The following KANSL1 variants were observed in gnomAD, a reference collection of about 807,000 sequenced individuals.
KANSL1 encodes the protein KAT8 regulatory NSL complex subunit 1.
Under a neutral mutation model 103.6 loss-of-function variants are expected in KANSL1, and 22 were observed. That is an observed-to-expected ratio of 0.21 (90% CI 0.15 to 0.30). The LOEUF (loss-of-function observed/expected upper bound fraction) is 0.30, where lower values mean the gene tolerates loss of function less well. Among genes scored for constraint, KANSL1 ranks in the 10% least tolerant of loss-of-function variants. The pLI, the probability that KANSL1 is intolerant of heterozygous loss-of-function variation, is 1.00. For synonymous variants in KANSL1, 600 were observed against 527.6 expected, an observed-to-expected ratio of 1.14 and a Z score of -1.88; for missense variants, 1,337 against 1,399.8, an observed-to-expected ratio of 0.96 and a Z score of 0.72.
intron 2 of KANSL1, among the ~76,000 whole-genome samples, chr17:46,138,075 A>C (rs557826141): frequency 3.9e-5 from 6 of 152,288 alleles, no homozygotes; most frequent in Admixed American, 6.5e-5. Context: ...AATAGAAGCC[A>C]CATTTCCTGA....
chr17:46,119,414 C>A (rs960209064), intron 2 of KANSL1, among the ~76,000 whole-genome samples: 1 of 151,708 alleles, frequency 6.6e-6, no homozygotes, highest in Non-Finnish European at 1.5e-5. Flanking sequence ...TTCAACTGAT[C>A]TCGTACCTCA....
chr17:46,200,948 A>G (rs2147979810), intron 1 of KANSL1, among the ~76,000 whole-genome samples: 1 of 151,566 alleles, frequency 6.6e-6, no homozygotes, highest in South Asian at 2.1e-4. Context: ...TCTGCTGCCC[A>G]GGCTGCCAGG....
chr17:46,081,108 G>A (rs2078974216), intron 4 of KANSL1, among the ~76,000 whole-genome samples: 2 of 152,188 alleles, frequency 1.3e-5, no homozygotes, highest in South Asian at 4.1e-4. Context: ...TTAAGACAAT[G>A]AGGATTAGTA....
intron 1 of KANSL1, among the ~76,000 whole-genome samples, chr17:46,175,489 TC>T (rs1420033490): frequency 6.6e-6 from 1 of 152,070 alleles, no homozygotes; most frequent in African/African-American, 2.4e-5. Context: ...AGCTGGGACT[TC>T]AGGCATGTGT....
chr17:46,188,868 TA>T (rs2047160324), intron 1 of KANSL1, among the ~76,000 whole-genome samples: 1 of 151,046 alleles, frequency 6.6e-6, no homozygotes, highest in Admixed American at 6.6e-5. Context: ...CCATCTATAC[TA>T]AAAATAGAAA....
chr17:46,154,027 GA>G (rs2045278019), intron 2 of KANSL1, among the ~76,000 whole-genome samples: 3 of 152,206 alleles, frequency 2.0e-5, no homozygotes, highest in African/African-American at 7.2e-5. Flanking sequence ...GCAGCATTTT[GA>G]AATCGACCTC....
intron 4 of KANSL1, among the ~76,000 whole-genome samples, chr17:46,068,010 G>C (rs551854770): frequency 2.0e-4 from 31 of 152,120 alleles, no homozygotes; most frequent in Admixed American, 1.9e-3. Context: ...TTTTGCTTTG[G>C]GGGGAAGAGG....
intron 2 of KANSL1, among the ~76,000 whole-genome samples, chr17:46,152,742 T>G (rs553597909): frequency 2.0e-5 from 3 of 152,246 alleles, no homozygotes; most frequent in Non-Finnish European, 4.4e-5. Flanking sequence ...GAGGGTTTCA[T>G]AAGTTACTGG....
intron 2 of KANSL1, among the ~76,000 whole-genome samples, chr17:46,106,632 A>C (rs894403142): frequency 6.6e-6 from 1 of 152,132 alleles, no homozygotes; most frequent in Non-Finnish European, 1.5e-5. Flanking sequence ...ACCTCAGGTG[A>C]TCTACCCACC....
chr17:46,070,983 T>TTGA (rs1187241368), intron 4 of KANSL1, among the ~76,000 whole-genome samples: 4 of 152,166 alleles, frequency 2.6e-5, no homozygotes, highest in African/African-American at 9.7e-5. Context: ...TTATACAAAG[T>TTGA]CTAAAGAAGA....
At chr17:46,137,304 T>C (rs2044195986) in intron 2 of KANSL1, among the ~76,000 whole-genome samples, 1 of 152,262 alleles carries the variant, frequency 6.6e-6, no homozygotes, top group Admixed American at 6.5e-5. Context: ...TATTTCCAGA[T>C]ATTCCAACTT....
At chr17:46,161,586 A>G (rs2045746870) in intron 2 of KANSL1, among the ~76,000 whole-genome samples, 1 of 152,244 alleles carries the variant, frequency 6.6e-6, no homozygotes, top group East Asian at 1.9e-4. Context: ...AGTACCTGAG[A>G]AACAAACCGG....
chr17:46,167,183 T>C (rs967304904), intron 2 of KANSL1, among the ~76,000 whole-genome samples: 1 of 151,584 alleles, frequency 6.6e-6, no homozygotes, highest in Non-Finnish European at 1.5e-5. Context: ...GTAGTTACTA[T>C]ATAGAAGTTT....
At chr17:46,125,961 T>C (rs1343859213) in intron 2 of KANSL1, among the ~76,000 whole-genome samples, 2 of 152,194 alleles carry the variant, frequency 1.3e-5, no homozygotes, top group African/African-American at 2.4e-5. Context: ...AAAGCAAATA[T>C]TGTTATTTCA....
intron 6 of KANSL1, among the ~76,000 whole-genome samples, chr17:46,051,227 GGCAAGCTTCCCTGA>G (rs981566788): frequency 6.6e-6 from 1 of 152,158 alleles, no homozygotes; most frequent in African/African-American, 2.4e-5. Context: ...CAAGCCAGGT[GGCAAGCTTCCCTGA>G]AGCTTGTAAC....
chr17:46,189,231 A>C (rs866714570), intron 1 of KANSL1, among the ~76,000 whole-genome samples: 3 of 152,002 alleles, frequency 2.0e-5, no homozygotes, highest in African/African-American at 7.3e-5. Flanking sequence ...CTCGTCTCTA[A>C]AATGAAAAAG....
intron 2 of KANSL1, among the ~76,000 whole-genome samples, chr17:46,109,106 C>T (rs1218698862): frequency 1.3e-5 from 2 of 152,140 alleles, no homozygotes; most frequent in African/African-American, 4.8e-5. Flanking sequence ...TGCACCACCA[C>T]GCCCAGCTAA....
intron 4 of KANSL1, among the ~76,000 whole-genome samples, chr17:46,077,580 C>T (rs62060847): frequency 0.14 from 21,800 of 152,000 alleles, 2,128 homozygotes; most frequent in Non-Finnish European, 0.22. Context: ...ATTTTTGAGA[C>T]GGAGTCTCAC....
intron 1 of KANSL1, among the ~76,000 whole-genome samples, chr17:46,219,478 T>C (rs1299186758): frequency 1.3e-5 from 2 of 152,186 alleles, no homozygotes; most frequent in Non-Finnish European, 2.9e-5. Context: ...TCCTCCCACC[T>C]AGGCCTCTCA....
Sources: allele counts gnomAD v4.1 joint callset (sites outside exome capture counted in the v4.1 genomes callset), GRCh38; gene constraint gnomAD v4.1.1; transcripts MANE v1.5; gene names NCBI Gene and HGNC (gene_info 2026-07-23, HGNC 2026-07-21).